PARD6G: variants seen among roughly 807,000 people sequenced by gnomAD.
PARD6G encodes the protein par-6 family cell polarity regulator gamma.
A neutral mutation model predicts 10.7 loss-of-function variants in PARD6G; 7 were observed. The ratio of observed to expected loss-of-function variants is 0.66; its 90% CI spans 0.37 to 1.23. The LOEUF is 1.23. PARD6G is among the 50% of genes most tolerant of loss of function. PARD6G has a pLI of 0.02. For missense variants in PARD6G, 548 were observed against 571.8 expected, an observed-to-expected ratio of 0.96 and a Z score of 0.42; for synonymous variants, 287 against 269.4, an observed-to-expected ratio of 1.07 and a Z score of -0.64.
chr18:80,227,350 C>A (rs1967302807), intron 1 of PARD6G, among the ~76,000 whole-genome samples: 1 of 152,174 alleles, frequency 6.6e-6, no homozygotes, highest in Non-Finnish European at 1.5e-5. Flanking sequence ...AGCACAAAGT[C>A]ATGAAATGTG....
rs1412349566 is a variant in PARD6G at position 80,158,597 on chromosome 18, G to C, written c.*1174C>G. The C allele has an allele frequency of 1.3e-5, 2 of 152,242 alleles. No individual in the cohort carries two copies. The highest frequency in any genetic ancestry group is 4.8e-5 in the African/African-American group (2 of 41,462). 9.4% of individuals were successfully genotyped at this position (152,242 alleles called of 1,614,324 possible). ...GCTGTGGCTCACGTCTATAATCCTA[G>C]CATTTTTGGAGGCTGAGGGGGGACC... On this transcript the variant is annotated 3_prime_UTR_variant, in exon 3 of 3. Coordinates refer to ENST00000353265, the MANE Select transcript of PARD6G (RefSeq NM_032510.4).
At position 80,160,508 on chromosome 18, in the gene PARD6G, G is replaced by T. The variant is rs764407749; in HGVS notation, c.394C>A (p.Leu132Met). 1.2e-5 allele frequency: 18 copies of T among 1,536,680 alleles called. No individual in the cohort carries two copies. The South Asian group carries it at 2.2e-4, about 19-fold the overall frequency. The stretch of plus-strand genomic sequence containing the variant: ...AAGTCGCGCGGGAGGCCGATGTCCA[G>T]GTGTGCACGCCGCCGGGGTCCTTCA... ...RDEGPRRRAH[L>M]DIGLPRDFRP... is the part of the protein sequence containing the mutation. Residue 132 changes from leucine to methionine, a missense_variant, in exon 3 of 3, where the codon CTG becomes ATG. By Grantham distance (15) the Leu-to-Met change is conservative. Around this residue, in one of 2 missense-constraint regions of PARD6G, gnomAD observed 235 missense variants for 291.9 expected, o/e 0.81. Transcript: ENST00000353265.
Position 80,198,431 on chromosome 18 carries a change from G to A in PARD6G, c.295+4279C>T, listed in dbSNP as rs368225027. ...CATGCATTAAATAACAATATGTACC[G>A]TTGTTTTTAAATAATGATTACTGTA... On this transcript the variant is annotated intron_variant, in intron 2 of 2. Transcript: ENST00000353265. Among the ~76,000 whole-genome samples the A allele has an allele frequency of 4.6e-5, 7 of 152,266 alleles. No individual in the cohort carries two copies. In the South Asian group the frequency reaches 8.3e-4, roughly 18 times the overall value.
At chr18:80,174,678 G>A (rs1479690595) in intron 2 of PARD6G, among the ~76,000 whole-genome samples, 1 of 152,134 alleles carries the variant, frequency 6.6e-6, no homozygotes, top group Non-Finnish European at 1.5e-5. Context: ...TTGTAGGCTG[G>A]GTGCGGTGGC....
intron 1 of PARD6G, among the ~76,000 whole-genome samples, chr18:80,217,203 T>C (rs1280165133): frequency 6.6e-6 from 1 of 152,212 alleles, no homozygotes; most frequent in African/African-American, 2.4e-5. Flanking sequence ...GAGCAAGTAG[T>C]ATTAGATTAT....
intron 2 of PARD6G, among the ~76,000 whole-genome samples, chr18:80,176,211 T>C (rs2052807078): frequency 6.6e-6 from 1 of 152,134 alleles, no homozygotes; most frequent in Non-Finnish European, 1.5e-5. Context: ...GGGAACAACA[T>C]TATAAAGTAG....
intron 2 of PARD6G, among the ~76,000 whole-genome samples, chr18:80,173,712 C>T (rs1417803578): frequency 6.6e-6 from 1 of 152,172 alleles, no homozygotes; most frequent in Non-Finnish European, 1.5e-5. Flanking sequence ...AAATGAATTT[C>T]TTCAAACAAT....
chr18:80,227,240 G>A (rs1967301875), intron 1 of PARD6G, among the ~76,000 whole-genome samples: 2 of 152,226 alleles, frequency 1.3e-5, no homozygotes, highest in Non-Finnish European at 2.9e-5. Context: ...GGGATGACAG[G>A]CATGGCCTGG....
At chr18:80,236,727 A>G (rs1488617848) in intron 1 of PARD6G, among the ~76,000 whole-genome samples, 2 of 152,206 alleles carry the variant, frequency 1.3e-5, no homozygotes, top group Non-Finnish European at 2.9e-5. Flanking sequence ...GAACCAAATC[A>G]TAAGTGAACT....
At chr18:80,223,751 C>A (rs554626988) in intron 1 of PARD6G, among the ~76,000 whole-genome samples, 82 of 152,334 alleles carry the variant, frequency 5.4e-4, no homozygotes, top group African/African-American at 1.9e-3. Flanking sequence ...ACGGCACCAG[C>A]AGGCACTCAG....
At chr18:80,196,771 A>T (rs1201032759) in intron 2 of PARD6G, among the ~76,000 whole-genome samples, 1 of 151,904 alleles carries the variant, frequency 6.6e-6, no homozygotes, top group East Asian at 1.9e-4. Flanking sequence ...TCTTTTTGAC[A>T]AGCTACATCA....
rs1028020377 is a variant in PARD6G, at chr18:80,201,819, C to T, written c.295+891G>A. On this transcript the variant is annotated intron_variant, in intron 2 of 2. Transcript: ENST00000353265. This position sits in a 1 kb window ranked among gnomAD's most constrained non-coding sequence, Gnocchi z 5.9. ...GGAGGCGGAGGGCCTCGTCTGAGAA[C>T]TCGCCCAGCCCGCCTCCCACCCAGC... 1 of 152,244 alleles carries T rather than the reference C, an allele frequency of 6.6e-6. No homozygotes were observed. Among genetic ancestry groups the T allele is most frequent in the East Asian group, 1.9e-4 (1 of 5,194 alleles). The allele number at this position is 152,244 out of a possible 1,614,324, so 9.4% of individuals were successfully genotyped here.
intron 2 of PARD6G, among the ~76,000 whole-genome samples, chr18:80,186,951 T>C (rs928182154): frequency 6.6e-6 from 1 of 151,822 alleles, no homozygotes; most frequent in African/African-American, 2.4e-5. Context: ...ACAAAGAAAT[T>C]AGCCGGGCGT....
At chr18:80,221,130 A>G (rs995233893) in intron 1 of PARD6G, among the ~76,000 whole-genome samples, 1 of 152,192 alleles carries the variant, frequency 6.6e-6, no homozygotes, top group Non-Finnish European at 1.5e-5. Context: ...TTCACTGGCC[A>G]CTTATACAAA....
In PARD6G at chr18:80,162,683, A is replaced by G. The variant is rs138601667; in HGVS notation, c.296-2077T>C. On this transcript the variant is annotated intron_variant, in intron 2 of 2. Transcript: ENST00000353265. ...CAGACTGAATTTTACATACAGCTACATGGAGAACACCGTGAGACTGGATGT... is the reference window on the plus strand; with the variant it reads ...CAGACTGAATTTTACATACAGCTACGTGGAGAACACCGTGAGACTGGATGT... The G allele has an allele frequency of 6.9e-4, 117 of 168,930 alleles. 1 individual carries two copies. The highest frequency in any genetic ancestry group is 1.2e-3 in the Non-Finnish European group (82 of 68,342). The allele number at this position is 168,930 out of a possible 1,614,324, so 10.5% of individuals were successfully genotyped here.
chr18:80,230,893 C>A (rs969842244), intron 1 of PARD6G, among the ~76,000 whole-genome samples: 1 of 152,168 alleles, frequency 6.6e-6, no homozygotes, highest in Non-Finnish European at 1.5e-5. Flanking sequence ...TGTCACTGTT[C>A]CCACTTTACA....
intron 2 of PARD6G, among the ~76,000 whole-genome samples, chr18:80,173,515 C>T (rs1373030893): frequency 2.0e-5 from 3 of 151,974 alleles, no homozygotes; most frequent in African/African-American, 4.8e-5. Context: ...ATCCCAGCTA[C>T]TCGGGAGGCT....
In PARD6G at chr18:80,158,313, C is replaced by G. The variant is rs185082950; in HGVS notation, c.*1458G>C. 7.9e-5 allele frequency: 12 copies of G among 152,188 alleles called. No individual in the cohort carries two copies. The highest frequency in any genetic ancestry group is 6.5e-4 in the Admixed American group (10 of 15,296). The allele number at this position is 152,188 out of a possible 1,614,324, so 9.4% of individuals were successfully genotyped here. ...TTCAGAAAACAAAGATGAGAACTCA[C>G]GTGCAAATGACTGCATTCTCAAAGA... On this transcript the variant is annotated 3_prime_UTR_variant, in exon 3 of 3. Coordinates refer to ENST00000353265, the MANE Select transcript of PARD6G (RefSeq NM_032510.4).
At chr18:80,186,232 ACGCATGCATGCATCCT>A (rs2052876339) in intron 2 of PARD6G, among the ~76,000 whole-genome samples, 1 of 143,702 alleles carries the variant, frequency 7.0e-6, no homozygotes, top group African/African-American at 2.6e-5. Context: ...GCACACCCTC[ACGCATGCATGCATCCT>A]CACACACATG....
Sources: gnomAD v4.1 joint callset for allele counts (sites outside exome capture counted in the v4.1 genomes callset) on GRCh38, gnomAD v4.1.1 for gene constraint, gnomAD v4.1.1 regional missense constraint, Gnocchi (gnomAD v3.1) non-coding constraint, MANE v1.5 for transcripts, NCBI Gene and HGNC (gene_info 2026-07-23, HGNC 2026-07-21) for gene names.